Variants in TSPAN11 observed in about 807,000 individuals in gnomAD.
TSPAN11 encodes tetraspanin 11.
Under a neutral mutation model 32.9 loss-of-function variants are expected in TSPAN11, and 29 were observed. The observed-to-expected ratio is 0.88, with a 90% CI of 0.66 to 1.20. TSPAN11 has a LOEUF of 1.20. TSPAN11 is among the 50% of genes most tolerant of loss of function. The pLI, the probability that TSPAN11 is intolerant of heterozygous loss-of-function variation, is 0.00. For missense variants in TSPAN11, 283 were observed against 329.1 expected, an observed-to-expected ratio of 0.86 and a Z score of 1.08; for synonymous variants, 140 against 141.3, an observed-to-expected ratio of 0.99 and a Z score of 0.07.
intron 3 of TSPAN11, among the ~76,000 whole-genome samples, chr12:30,970,777 C>G (rs1362318721): frequency 1.3e-5 from 2 of 152,204 alleles, no homozygotes; most frequent in East Asian, 1.9e-4. Flanking sequence ...GAGGTTACCT[C>G]CATCCTTCTA....
chr12:30,970,166 T>C (rs1034139806), intron 3 of TSPAN11, among the ~76,000 whole-genome samples: 2 of 152,198 alleles, frequency 1.3e-5, no homozygotes, highest in African/African-American at 4.8e-5. Flanking sequence ...GTCACTTTCC[T>C]CATGCCAGAA....
Position 30,967,969 on chromosome 12 carries a change from A to G in TSPAN11, c.276+3952A>G, listed in dbSNP as rs144507968. 5.4e-4 allele frequency among the ~76,000 whole-genome samples: 82 copies of G among 152,226 alleles called. 1 individual carries two copies. Among genetic ancestry groups the G allele is most frequent in the African/African-American group, 1.9e-3 (79 of 41,510 alleles). On this transcript the variant is annotated intron_variant, in intron 3 of 7. Transcript: ENST00000546076. The stretch of plus-strand genomic sequence containing the variant: ...GTTTAAACCAAGAAGGTGCCTGTAC[A>G]ACCTTTCTTGGGCTAACACAGGTAG...
At chr12:30,965,313 C>T (rs1938707029) in intron 3 of TSPAN11, among the ~76,000 whole-genome samples, 2 of 152,226 alleles carry the variant, frequency 1.3e-5, no homozygotes, top group Non-Finnish European at 1.5e-5. Flanking sequence ...GGCTGAGCCT[C>T]TGGCCCTCAC....
chr12:30,937,115 G>A (rs979100729), intron 1 of TSPAN11, among the ~76,000 whole-genome samples: 1 of 152,210 alleles, frequency 6.6e-6, no homozygotes, highest in Non-Finnish European at 1.5e-5. Flanking sequence ...CAGAGATGAA[G>A]CAGGAGGAGA....
At chr12:30,954,687 T>C (rs1366104702) in intron 2 of TSPAN11, 3 of 152,802 alleles carry the variant, frequency 2.0e-5, no homozygotes, top group African/African-American at 7.2e-5. Flanking sequence ...ATATATTTGT[T>C]ATTACAGTCT....
intron 3 of TSPAN11, among the ~76,000 whole-genome samples, chr12:30,964,597 C>A (rs139423332): frequency 6.6e-6 from 1 of 152,130 alleles, no homozygotes; most frequent in Non-Finnish European, 1.5e-5. Context: ...TCACCTGCAC[C>A]CTGCCCACTT....
At chr12:30,961,129 T>A (rs568156931) in intron 2 of TSPAN11, among the ~76,000 whole-genome samples, 2 of 151,870 alleles carry the variant, frequency 1.3e-5, no homozygotes, top group East Asian at 3.9e-4. Context: ...ATGCCAATGG[T>A]TGTTGAATAG....
intron 7 of TSPAN11, among the ~76,000 whole-genome samples, chr12:30,986,559 G>A (rs1480952273): frequency 6.6e-6 from 1 of 152,154 alleles, no homozygotes; most frequent in Admixed American, 6.5e-5. Flanking sequence ...GAAAGCTGTG[G>A]GTCTAGCCCA....
At chr12:31,006,443 C>G in the TSPAN11 span, among the ~76,000 whole-genome samples, 1 of 152,240 alleles carries the variant, frequency 6.6e-6, no homozygotes, top group East Asian at 1.9e-4. Flanking sequence ...AAACCCACAT[C>G]GAAATTTGAG....
At chr12:30,939,410 T>C (rs1290724749) in intron 1 of TSPAN11, among the ~76,000 whole-genome samples, 1 of 152,130 alleles carries the variant, frequency 6.6e-6, no homozygotes, top group Non-Finnish European at 1.5e-5. Context: ...AGGTGGTTTC[T>C]CAAGGCCATA....
At chr12:30,931,214 T>G (rs1042003323) in intron 1 of TSPAN11, among the ~76,000 whole-genome samples, 1 of 152,194 alleles carries the variant, frequency 6.6e-6, no homozygotes, top group Non-Finnish European at 1.5e-5. Context: ...TGAGAATGTG[T>G]TTCTCTATCT....
At chr12:30,983,825 T>A (rs61693352) in intron 7 of TSPAN11, among the ~76,000 whole-genome samples, 12,501 of 152,238 alleles carry the variant, frequency 0.082, 937 homozygotes, top group African/African-American at 0.2. Context: ...AGGTATTATA[T>A]AGGGGAGAAT....
At chr12:30,937,852 G>A (rs1340736018) in intron 1 of TSPAN11, among the ~76,000 whole-genome samples, 7 of 152,176 alleles carry the variant, frequency 4.6e-5, no homozygotes, top group Non-Finnish European at 7.3e-5. Context: ...GAGAACCACC[G>A]CTCTGAGGTG....
chr12:31,004,488 C>T, the TSPAN11 span, among the ~76,000 whole-genome samples: 1 of 152,168 alleles, frequency 6.6e-6, no homozygotes, highest in Non-Finnish European at 1.5e-5. Context: ...CCCTCCCTCT[C>T]AGCAAGGCAA....
chr12:30,977,527 G>A (rs1481911408), intron 3 of TSPAN11, among the ~76,000 whole-genome samples: 1 of 147,318 alleles, frequency 6.8e-6, no homozygotes, highest in Non-Finnish European at 1.5e-5. Context: ...ATTTCCATCA[G>A]TAGTGCTCCC....
intron 7 of TSPAN11, among the ~76,000 whole-genome samples, chr12:30,988,927 T>G (rs1165900687): frequency 6.6e-6 from 1 of 152,244 alleles, no homozygotes; most frequent in African/African-American, 2.4e-5. Context: ...CTTTAGAAGC[T>G]AATTTCTAGA....
downstream of TSPAN11, among the ~76,000 whole-genome samples, chr12:31,001,283 G>A (rs1305553635): frequency 6.6e-6 from 1 of 152,164 alleles, no homozygotes; most frequent in Non-Finnish European, 1.5e-5. Context: ...TCCATCCACA[G>A]GACACATCTC....
chr12:30,978,868 G>C (rs1232489120), intron 4 of TSPAN11: 1 of 540,408 alleles, frequency 1.9e-6, no homozygotes, highest in African/African-American at 1.9e-5. Flanking sequence ...GGGGACGGGG[G>C]CTTCCCAAGG....
At chr12:30,998,485 A>C (rs1396527929), downstream of TSPAN11, among the ~76,000 whole-genome samples, 1 of 152,236 alleles carries the variant, frequency 6.6e-6, no homozygotes, top group Non-Finnish European at 1.5e-5. Context: ...TTCTTCTTAA[A>C]AGCAAATGCA....
Sources: gnomAD v4.1 joint callset for allele counts (sites outside exome capture counted in the v4.1 genomes callset) on GRCh38, gnomAD v4.1.1 for gene constraint, MANE v1.5 for transcripts, NCBI Gene and HGNC (gene_info 2026-07-23, HGNC 2026-07-21) for gene names.